The following SPMIP2 variants were observed in gnomAD, a reference collection of about 807,000 sequenced individuals.
The protein encoded by SPMIP2 is protein SPMIP2.
chr4:159,075,694 A>C, the SPMIP2 span, among the ~76,000 whole-genome samples: 4 of 152,290 alleles, frequency 2.6e-5, no homozygotes, highest in African/African-American at 9.6e-5. Flanking sequence ...AGGGACTTCC[A>C]CTATGCATAA....
chr4:158,920,472 C>T, the SPMIP2 span, among the ~76,000 whole-genome samples: 5 of 152,184 alleles, frequency 3.3e-5, 1 homozygote, highest in South Asian at 1.0e-3. Flanking sequence ...AATATTAATA[C>T]TGTGGGAAAG....
chr4:159,040,246 A>G, the SPMIP2 span, among the ~76,000 whole-genome samples: 1 of 151,816 alleles, frequency 6.6e-6, no homozygotes, highest in Non-Finnish European at 1.5e-5. Context: ...CTCTTGGCTC[A>G]CTGCAACCTC....
chr4:158,990,046 C>T, the SPMIP2 span, among the ~76,000 whole-genome samples: 1 of 151,806 alleles, frequency 6.6e-6, no homozygotes, highest in Non-Finnish European at 1.5e-5. Context: ...GAAAAAAATA[C>T]CTTATCAAAA....
chr4:159,032,232 T>A, the SPMIP2 span, among the ~76,000 whole-genome samples: 1 of 151,912 alleles, frequency 6.6e-6, no homozygotes, highest in Non-Finnish European at 1.5e-5. Context: ...AAAAAAAAAT[T>A]GTTGGGCTTT....
chr4:158,960,018 T>C, the SPMIP2 span, among the ~76,000 whole-genome samples: 2 of 152,192 alleles, frequency 1.3e-5, no homozygotes, highest in Non-Finnish European at 2.9e-5. Flanking sequence ...CTTCATAGCT[T>C]CAGGCTTGCT....
At chr4:158,931,891 C>G in the SPMIP2 span, among the ~76,000 whole-genome samples, 1 of 151,690 alleles carries the variant, frequency 6.6e-6, no homozygotes, top group Non-Finnish European at 1.5e-5. Context: ...TAATTGCTAT[C>G]TTTTTATTGA....
the SPMIP2 span, among the ~76,000 whole-genome samples, chr4:158,984,483 G>C: frequency 0.63 from 94,866 of 150,168 alleles, 30,301 homozygotes; most frequent in Middle Eastern, 0.71. Context: ...GAAACTCAGT[G>C]AAAACCGCTC....
chr4:158,996,753 T>C, the SPMIP2 span, among the ~76,000 whole-genome samples: 5 of 152,198 alleles, frequency 3.3e-5, no homozygotes, highest in African/African-American at 9.6e-5. Context: ...CATAGGCAGA[T>C]ACAATGATGT....
At chr4:159,061,078 C>T in the SPMIP2 span, among the ~76,000 whole-genome samples, 1 of 70,808 alleles carries the variant, frequency 1.4e-5, no homozygotes, top group Admixed American at 1.6e-4. Context: ...GAGTGAGACC[C>T]TATCTCAAAA....
At chr4:158,985,419 A>T in the SPMIP2 span, among the ~76,000 whole-genome samples, 1 of 151,560 alleles carries the variant, frequency 6.6e-6, no homozygotes, top group Admixed American at 6.6e-5. Flanking sequence ...GCAGCACATC[A>T]AAAAGCTTAT....
the SPMIP2 span, among the ~76,000 whole-genome samples, chr4:159,049,870 T>C: frequency 6.6e-6 from 1 of 152,332 alleles, no homozygotes; most frequent in East Asian, 1.9e-4. Flanking sequence ...AAATATATAC[T>C]GCATTACATC....
chr4:158,929,836 AAT>A, the SPMIP2 span, among the ~76,000 whole-genome samples: 1 of 152,218 alleles, frequency 6.6e-6, no homozygotes, highest in African/African-American at 2.4e-5. Context: ...AAAATATATT[AAT>A]ACTGACTTTA....
chr4:159,029,892 T>C, the SPMIP2 span, among the ~76,000 whole-genome samples: 1 of 152,192 alleles, frequency 6.6e-6, no homozygotes, highest in Non-Finnish European at 1.5e-5. Flanking sequence ...ATTTGTTAAA[T>C]TGGATTTCAA....
the SPMIP2 span, among the ~76,000 whole-genome samples, chr4:159,075,912 G>GA: frequency 1.8e-4 from 27 of 151,200 alleles, no homozygotes; most frequent in African/African-American, 1.7e-4. Context: ...ATTTACAGCA[G>GA]AAAAAAAACC....
the SPMIP2 span, among the ~76,000 whole-genome samples, chr4:158,968,155 G>A: frequency 6.6e-6 from 1 of 152,042 alleles, no homozygotes; most frequent in South Asian, 2.1e-4. Flanking sequence ...TCAGCCTCCT[G>A]AGTAGCTGCA....
At chr4:158,998,885 T>A in the SPMIP2 span, among the ~76,000 whole-genome samples, 2 of 152,088 alleles carry the variant, frequency 1.3e-5, no homozygotes, top group African/African-American at 2.4e-5. Context: ...GTATGTACCA[T>A]TGAGGCCAGG....
chr4:159,004,077 C>T, the SPMIP2 span, among the ~76,000 whole-genome samples: 704 of 150,976 alleles, frequency 4.7e-3, 5 homozygotes, highest in African/African-American at 0.014. Context: ...AGCACAGTGG[C>T]GCAATCCTGG....
At chr4:159,081,040 T>C in the SPMIP2 span, among the ~76,000 whole-genome samples, 5 of 27,788 alleles carry the variant, frequency 1.8e-4, no homozygotes, top group African/African-American at 2.7e-4. Flanking sequence ...TTCTTTCTCT[T>C]TTTTTTTTTT....
At chr4:159,066,857 A>G in the SPMIP2 span, among the ~76,000 whole-genome samples, 1 of 152,184 alleles carries the variant, frequency 6.6e-6, no homozygotes, top group Non-Finnish European at 1.5e-5. Flanking sequence ...AGGCTCTGTT[A>G]TAGCTATTCA....
Sources: gnomAD v4.1 joint callset for allele counts (sites outside exome capture counted in the v4.1 genomes callset) on GRCh38, gnomAD v4.1.1 for gene constraint, MANE v1.5 for transcripts, NCBI Gene and HGNC (gene_info 2026-07-23, HGNC 2026-07-21) for gene names.